Variants in IGF2BP2 observed in about 807,000 individuals in gnomAD.
The protein encoded by IGF2BP2 is insulin like growth factor 2 mRNA binding protein 2, also known as insulin-like growth factor 2 mRNA-binding protein 2.
In IGF2BP2, 17 loss-of-function variants were observed where a neutral mutation model predicts 75.8. The observed-to-expected ratio is 0.22, with a 90% CI of 0.15 to 0.34. IGF2BP2 has a LOEUF of 0.34. IGF2BP2 is among the 10% of genes least tolerant of loss of function. IGF2BP2 has a pLI of 1.00. For synonymous variants in IGF2BP2, 288 were observed against 295.6 expected (o/e 0.97, Z 0.26); for missense variants, 516 against 772.4 (o/e 0.67, Z 3.93).
At chr3:185,695,171 T>A (rs1207370319) in intron 4 of IGF2BP2, among the ~76,000 whole-genome samples, 1 of 152,088 alleles carries the variant, frequency 6.6e-6, no homozygotes, top group African/African-American at 2.4e-5. Flanking sequence ...ATGTCTTCTT[T>A]CTGAGCTCTT....
At chr3:185,786,364 T>C (rs913436955) in intron 2 of IGF2BP2, among the ~76,000 whole-genome samples, 1 of 152,126 alleles carries the variant, frequency 6.6e-6, no homozygotes, top group African/African-American at 2.4e-5. Flanking sequence ...CACGTATATG[T>C]CCACATGGCC....
At chr3:185,696,098 T>G (rs1459157537) in intron 4 of IGF2BP2, among the ~76,000 whole-genome samples, 1 of 152,080 alleles carries the variant, frequency 6.6e-6, no homozygotes, top group Non-Finnish European at 1.5e-5. Flanking sequence ...CGGGTGCTTT[T>G]TTAAATATAG....
intron 4 of IGF2BP2, 148 bp downstream of exon 4, chr3:185,696,457 TAAGATAC>T (rs1722593864): frequency 1.5e-6 from 1 of 646,278 alleles, no homozygotes; most frequent in Admixed American, 2.8e-5. Flanking sequence ...CACATCTATG[TAAGATAC>T]ATCTTACATA....
intron 11 of IGF2BP2, 104 bp downstream of exon 11, chr3:185,658,237 C>A: frequency 8.9e-7 from 1 of 1,123,850 alleles, no homozygotes; most frequent in South Asian, 1.3e-5. Context: ...ACCAGAACCA[C>A]AGGAGACAAG....
At chr3:185,808,238 G>A (rs2149992440) in intron 2 of IGF2BP2, among the ~76,000 whole-genome samples, 1 of 152,214 alleles carries the variant, frequency 6.6e-6, no homozygotes, top group African/African-American at 2.4e-5. Context: ...GACTTTGGAA[G>A]GCCGAGGCGG....
At chr3:185,652,197 A>C (rs1423249046) in intron 12 of IGF2BP2, 29 bp from the exon 13 acceptor site, 1 of 1,580,776 alleles carries the variant, frequency 6.3e-7, no homozygotes, top group Admixed American at 1.7e-5. Flanking sequence ...GAAAACGCTG[A>C]TGCTCGGCTG....
chr3:185,646,480 CAA>C (rs960356770), intron 15 of IGF2BP2, among the ~76,000 whole-genome samples: 24 of 152,184 alleles, frequency 1.6e-4, no homozygotes, highest in African/African-American at 5.3e-4. Flanking sequence ...ACAAAAGCAT[CAA>C]AGAGAAAGAG....
At chr3:185,731,750 G>A (rs1415776500) in intron 2 of IGF2BP2, among the ~76,000 whole-genome samples, 16 of 152,012 alleles carry the variant, frequency 1.1e-4, no homozygotes, top group Middle Eastern at 3.4e-3. Flanking sequence ...CGAGGCGGGC[G>A]GATCACGAGG....
intron 10 of IGF2BP2, among the ~76,000 whole-genome samples, chr3:185,658,834 G>A (rs1427616182): frequency 2.0e-5 from 3 of 152,200 alleles, no homozygotes; most frequent in Admixed American, 2.0e-4. Flanking sequence ...AGAACAGAGT[G>A]TGCTGGACAA....
At chr3:185,778,264 C>T (rs916016801) in intron 2 of IGF2BP2, among the ~76,000 whole-genome samples, 1 of 152,166 alleles carries the variant, frequency 6.6e-6, no homozygotes, top group African/African-American at 2.4e-5. Context: ...CACTCACACA[C>T]ACCCCCACAC....
chr3:185,740,738 G>A (rs912526067), intron 2 of IGF2BP2, among the ~76,000 whole-genome samples: 1 of 152,206 alleles, frequency 6.6e-6, no homozygotes, highest in Non-Finnish European at 1.5e-5. Flanking sequence ...GTAAAGGTTA[G>A]AGCCAGGATG....
chr3:185,668,502 G>GAT lies in IGF2BP2; in HGVS notation c.1200+4038_1200+4039insAT, dbSNP rs1222754072. On this transcript the variant is annotated intron_variant, in intron 10 of 15. Coordinates refer to ENST00000382199, the MANE Select transcript of IGF2BP2 (RefSeq NM_006548.6). ...TTCATTTGTTCGAGAGAGAGAGAGAGAGAGAGATATATATATATATATATA... is the reference window on the plus strand; with the variant it reads ...TTCATTTGTTCGAGAGAGAGAGAGAGATAGAGAGATATATATATATATATATA... Among the ~76,000 whole-genome samples the GAT allele has an allele frequency of 4.8e-3, 611 of 126,690 alleles. 4 individuals carry two copies. The highest frequency in any genetic ancestry group is 0.015 in the African/African-American group (491 of 31,826). The allele number at this position is 126,690 out of a possible 152,430, so 83.1% of individuals were successfully genotyped here.
intron 2 of IGF2BP2, among the ~76,000 whole-genome samples, chr3:185,731,313 C>T (rs1323226179): frequency 6.8e-6 from 1 of 146,326 alleles, no homozygotes; most frequent in Non-Finnish European, 1.5e-5. Context: ...ATGGTGCAAT[C>T]TTGGTTCACT....
rs1209904443 is a variant in IGF2BP2 at position 185,657,196 on chromosome 3, T to C, written c.1386+90A>G. 6 of 806,402 alleles carry C rather than the reference T, an allele frequency of 7.4e-6. No individual in the cohort carries two copies. In the African/African-American group the frequency reaches 8.4e-5, roughly 11 times the overall value. The allele number at this position is 806,402 out of a possible 1,614,324, so 50.0% of individuals were successfully genotyped here. On this transcript the variant is annotated intron_variant, in intron 12 of 15. Coordinates refer to ENST00000382199, the MANE Select transcript of IGF2BP2 (RefSeq NM_006548.6). ...TCTGTGGGACTCTGTCTCTGCATGGTGTGGCGCTGCCTGGGACTGAGAGGG... is the reference window on the plus strand; with the variant it reads ...TCTGTGGGACTCTGTCTCTGCATGGCGTGGCGCTGCCTGGGACTGAGAGGG...
At chr3:185,771,261 G>A (rs1733826889) in intron 2 of IGF2BP2, among the ~76,000 whole-genome samples, 1 of 152,044 alleles carries the variant, frequency 6.6e-6, no homozygotes, top group South Asian at 2.1e-4. Context: ...CCAAGATGGT[G>A]AAACCCCTGT....
intron 5 of IGF2BP2, among the ~76,000 whole-genome samples, chr3:185,691,564 A>G (rs1188776678): frequency 6.6e-6 from 1 of 152,224 alleles, no homozygotes; most frequent in Non-Finnish European, 1.5e-5. Flanking sequence ...AATTCTAGTT[A>G]TAATGACCTG....
intron 2 of IGF2BP2, among the ~76,000 whole-genome samples, chr3:185,708,458 C>T (rs1724357656): frequency 6.6e-6 from 1 of 152,160 alleles, no homozygotes; most frequent in Non-Finnish European, 1.5e-5. Flanking sequence ...ACTGTGATAG[C>T]TCACTCTTTG....
At chr3:185,824,095 G>C (rs1741716596) in intron 1 of IGF2BP2, among the ~76,000 whole-genome samples, 1 of 152,036 alleles carries the variant, frequency 6.6e-6, no homozygotes, top group African/African-American at 2.4e-5. Flanking sequence ...AAAAATAGGA[G>C]CGCTTGAGAG....
At chr3:185,695,373 A>T (rs1461137398) in intron 4 of IGF2BP2, among the ~76,000 whole-genome samples, 1 of 152,212 alleles carries the variant, frequency 6.6e-6, no homozygotes, top group African/African-American at 2.4e-5. Flanking sequence ...CAAATGCCTT[A>T]TACAGGTTCT....
Sources: gnomAD v4.1 joint callset for allele counts (sites outside exome capture counted in the v4.1 genomes callset) on GRCh38, gnomAD v4.1.1 for gene constraint, MANE v1.5 for transcripts, NCBI Gene and HGNC (gene_info 2026-07-23, HGNC 2026-07-21) for gene names.